GATA4: variants seen among roughly 807,000 people sequenced by gnomAD.
GATA4 encodes GATA binding protein 4.
GATA4 carries 7 observed loss-of-function variants against 37.9 expected under a neutral mutation model. The observed-to-expected ratio is 0.18, with a 90% CI of 0.11 to 0.35. The LOEUF (loss-of-function observed/expected upper bound fraction) is 0.35. Among genes scored for constraint, GATA4 ranks in the 10% least tolerant of loss-of-function variants. The pLI is 1.00. For synonymous variants in GATA4, 372 were observed against 292.6 expected (o/e 1.27, Z -2.77); for missense variants, 647 against 653.0 (o/e 0.99, Z 0.10).
chr8:11,736,148 C>T (rs919643893), intron 2 of GATA4, among the ~76,000 whole-genome samples: 47 of 152,146 alleles, frequency 3.1e-4, no homozygotes, highest in African/African-American at 1.1e-3. Context: ...TGAGCTCAAG[C>T]CATACTCCGA....
rs1800075334 is a variant in GATA4 at position 11,709,577 on chromosome 8, G to GGGGCGGGC, written c.616+652_616+653insCGGGCGGG. Among the ~76,000 whole-genome samples, 1 of 136,380 alleles carries GGGGCGGGC rather than the reference G, an allele frequency of 7.3e-6. No homozygotes were observed. Among genetic ancestry groups the GGGGCGGGC allele is most frequent in the Non-Finnish European group, 1.6e-5 (1 of 63,532 alleles). 89.5% of individuals were successfully genotyped at this position (136,380 alleles called of 152,430 possible). On this transcript the variant is annotated intron_variant, in intron 2 of 6. Coordinates refer to ENST00000532059, the MANE Select transcript of GATA4 (RefSeq NM_001308093.3). This position sits in a 1 kb window ranked among gnomAD's most constrained non-coding sequence, Gnocchi z 4.3. Reference sequence around the variant, plus strand: ...GCGTGGGCGCATCATGCGGGCAGCGGGGGGGGGGGCGCACACGCCCGGTCA... The same window carrying GGGGCGGGC: ...GCGTGGGCGCATCATGCGGGCAGCGGGGGCGGGCGGGGGGGGGCGCACACGCCCGGTCA...
At chr8:11,684,892 T>C (rs927987101) in intron 1 of GATA4, among the ~76,000 whole-genome samples, 3 of 152,246 alleles carry the variant, frequency 2.0e-5, no homozygotes, top group Non-Finnish European at 4.4e-5. Flanking sequence ...CAAAATTGAC[T>C]GCTGCTGGTG....
At chr8:11,703,554 T>C (rs1019001219), upstream of GATA4, among the ~76,000 whole-genome samples, 2 of 152,164 alleles carry the variant, frequency 1.3e-5, no homozygotes, top group African/African-American at 4.8e-5. Context: ...CCACAGGAGA[T>C]GGGAAGTGTC....
intron 1 of GATA4, chr8:11,692,665 G>A (rs1455354155): frequency 3.0e-6 from 3 of 984,980 alleles, no homozygotes; most frequent in Non-Finnish European, 3.6e-6. Context: ...CCGCGGGTGC[G>A]TGCGGGGGTG....
At chr8:11,683,916 A>G (rs1799058678) in intron 1 of GATA4, among the ~76,000 whole-genome samples, 1 of 152,210 alleles carries the variant, frequency 6.6e-6, no homozygotes. Context: ...TGTGAACGGG[A>G]AAGAATTTCC....
At chr8:11,720,679 C>T (rs890237960) in intron 2 of GATA4, among the ~76,000 whole-genome samples, 2 of 152,182 alleles carry the variant, frequency 1.3e-5, no homozygotes, top group African/African-American at 2.4e-5. Flanking sequence ...TCAGCTCCCA[C>T]TTATATGTGA....
At chr8:11,717,778 C>T (rs372161292) in intron 2 of GATA4, among the ~76,000 whole-genome samples, 8 of 152,316 alleles carry the variant, frequency 5.3e-5, no homozygotes, top group South Asian at 4.1e-4. Context: ...TGTCGTCCTA[C>T]GGAATCTTCC....
intron 2 of GATA4, among the ~76,000 whole-genome samples, chr8:11,747,508 C>T (rs1183049857): frequency 6.6e-6 from 1 of 152,042 alleles, no homozygotes; most frequent in Non-Finnish European, 1.5e-5. Context: ...TTTTATATAC[C>T]AATAAGCAAG....
At chr8:11,701,085 G>A (rs1334170104), upstream of GATA4, among the ~76,000 whole-genome samples, 1 of 152,104 alleles carries the variant, frequency 6.6e-6, no homozygotes, top group African/African-American at 2.4e-5. Flanking sequence ...CTCTTCTGGG[G>A]TATGGACCAG....
intron 2 of GATA4, among the ~76,000 whole-genome samples, chr8:11,745,949 C>T (rs1460145725): frequency 6.6e-6 from 1 of 152,174 alleles, no homozygotes; most frequent in Non-Finnish European, 1.5e-5. Context: ...TTTTCATATT[C>T]TGTCCCCTTC....
chr8:11,692,862 C>T lies in GATA4; in HGVS notation c.-729+202C>T, dbSNP rs1002936050. The T allele has an allele frequency of 8.2e-6, 8 of 981,272 alleles. No individual in the cohort carries two copies. The African/African-American group carries it at 1.2e-4, about 15-fold the overall frequency. 60.8% of individuals were successfully genotyped at this position (981,272 alleles called of 1,614,324 possible). A position where few individuals can be genotyped will look rare whatever the true frequency, so the allele number is the denominator to read the frequency against. On this transcript the variant is annotated intron_variant, in intron 1 of 2. Transcript: ENST00000526974. Reference sequence around the variant, plus strand: ...CGGCCGGCCGGGGGCTGACCCCGAGCGCCGCCGAGTTTGCGCCGCCCGCCG... The same window carrying T: ...CGGCCGGCCGGGGGCTGACCCCGAGTGCCGCCGAGTTTGCGCCGCCCGCCG...
chr8:11,726,086 C>T (rs1800909728), intron 2 of GATA4, among the ~76,000 whole-genome samples: 1 of 152,234 alleles, frequency 6.6e-6, no homozygotes, highest in African/African-American at 2.4e-5. Flanking sequence ...ATACCATCAC[C>T]TGGTACATAC....
intron 1 of GATA4, among the ~76,000 whole-genome samples, chr8:11,684,396 T>C (rs1346981010): frequency 6.6e-6 from 1 of 152,238 alleles, no homozygotes; most frequent in Non-Finnish European, 1.5e-5. Context: ...TTCTCAAAAG[T>C]TGAAAATGAC....
rs371864316 is a variant in GATA4 at position 11,718,254 on chromosome 8, G to T, written c.616+9326G>T. ...GTGGAAGTTTTCTTGTTTCTGGCAG[G>T]TGGCCTATGCTTTTATCTATTACTG... is the stretch of plus-strand genomic sequence containing the variant. On this transcript the variant is annotated intron_variant, in intron 2 of 6. Transcript: ENST00000532059. Among the ~76,000 whole-genome samples, 11 of 152,236 alleles carry T rather than the reference G, an allele frequency of 7.2e-5. 1 individual carries two copies. In the East Asian group the frequency reaches 1.3e-3, roughly 19 times the overall value.
chr8:11,696,255 C>A (rs1281237518), intron 1 of GATA4, among the ~76,000 whole-genome samples: 1 of 152,166 alleles, frequency 6.6e-6, no homozygotes. Context: ...CTCCAAATTT[C>A]TTCCTCCCCC....
In GATA4 at chr8:11,707,944, A is replaced by C; in HGVS notation, c.-369A>C. ...GTCCTGGAGGCCTCTCGGTGTGACG[A>C]GTGGGGGACCCGAAGGCTCGTGCGC... On this transcript the variant is annotated 5_prime_UTR_variant, in exon 2 of 7. Coordinates refer to ENST00000532059, the MANE Select transcript of GATA4 (RefSeq NM_001308093.3). The surrounding 1 kb of genome is among the most constrained non-coding windows in gnomAD (Gnocchi z 4.7). 3.2e-6 allele frequency: 1 copy of C among 313,746 alleles called. No individual in the cohort carries two copies. Among genetic ancestry groups the C allele is most frequent in the Non-Finnish European group, 6.2e-6 (1 of 162,172 alleles). The allele number at this position is 313,746 out of a possible 1,614,324, so 19.4% of individuals were successfully genotyped here.
chr8:11,715,843 A>C (rs562554936), intron 2 of GATA4, among the ~76,000 whole-genome samples: 15 of 151,778 alleles, frequency 9.9e-5, no homozygotes, highest in African/African-American at 3.6e-4. Flanking sequence ...TAGAACTTAA[A>C]CTCTGCCCAT....
At chr8:11,700,589 G>A (rs1799641428), upstream of GATA4, 1 of 152,310 alleles carries the variant, frequency 6.6e-6, no homozygotes, top group Non-Finnish European at 1.5e-5. Flanking sequence ...CCGTGCGGGT[G>A]AGGACTGAGT....
At chr8:11,690,109 A>G (rs1454698625), upstream of GATA4, among the ~76,000 whole-genome samples, 1 of 152,250 alleles carries the variant, frequency 6.6e-6, no homozygotes, top group African/African-American at 2.4e-5. Flanking sequence ...CAGGACTGAT[A>G]AACGGGCCAA....
Sources: gnomAD v4.1 joint callset for allele counts (sites outside exome capture counted in the v4.1 genomes callset) on GRCh38, gnomAD v4.1.1 for gene constraint, Gnocchi (gnomAD v3.1) non-coding constraint, MANE v1.5 for transcripts, NCBI Gene and HGNC (gene_info 2026-07-23, HGNC 2026-07-21) for gene names.